DQX1: variants seen among roughly 807,000 people sequenced by gnomAD.
DQX1 encodes ATP-dependent RNA helicase homolog DQX1.
In DQX1, 66 loss-of-function variants were observed where a neutral mutation model predicts 81.3. The observed-to-expected ratio is 0.81, with a 90% CI of 0.67 to 1.00. The LOEUF is 1.00. Among genes scored for constraint, DQX1 ranks in the 50% least tolerant of loss-of-function variants. The pLI is 0.00. For synonymous variants in DQX1, 290 were observed against 350.0 expected (o/e 0.83, Z 1.91); for missense variants, 798 against 867.9 (o/e 0.92, Z 1.01).
At position 74,523,300 on chromosome 2, in the gene DQX1, T is replaced by TCTCA; in HGVS notation, c.1044+6_1044+9dup. The TCTCA allele has an allele frequency of 6.2e-7, 1 of 1,614,116 alleles. No homozygotes were observed. ...TTACTACCCCACCGCTATCTCTCTC[T>TCTCA]CTCACTCACACTTCGGAGCTCCAGT... On this transcript the variant is annotated intron_variant, in intron 5 of 11. Transcript: ENST00000404568.
Position 74,519,204 on chromosome 2 carries a change from T to G in DQX1, c.1833A>C (p.Gly611=). The change falls in exon 11 of 12, where the codon GGA becomes GGC. Residue 611 remains glycine (G), a synonymous_variant. Coordinates refer to ENST00000404568, the MANE Select transcript of DQX1 (RefSeq NM_133637.3). Reference sequence around the variant, plus strand: ...GCTTATGGGTTAGGAGAAGGTAATTTCCAGTCCCGTCTGTGTCTCTGGCCA... The same window carrying G: ...GCTTATGGGTTAGGAGAAGGTAATTGCCAGTCCCGTCTGTGTCTCTGGCCA... ...LKVARDTDGT[G]NYLLLTHKHV... is the part of the protein sequence containing the mutation. 6.3e-7 allele frequency: 1 copy of G among 1,579,966 alleles called. No homozygotes were observed. The highest frequency in any genetic ancestry group is 8.6e-7 in the Non-Finnish European group (1 of 1,162,742).
chr2:74,524,921 G>T, intron 3 of DQX1, 88 bp downstream of exon 3: 1 of 1,439,246 alleles, frequency 6.9e-7, no homozygotes, highest in South Asian at 1.3e-5. Context: ...TTGGGCTAAG[G>T]GAGGGTATGG....
rs781273773 is a variant in DQX1, at chr2:74,519,588, G to T, written c.1774C>A (p.Gln592Lys). Residue 592 changes from glutamine (Q) to lysine (K), a missense_variant, in exon 10 of 12, where the codon CAG (glutamine) becomes AAG (lysine). Coordinates refer to ENST00000404568, the MANE Select transcript of DQX1 (RefSeq NM_133637.3). ...FGSEQNRRDLQKALVSGYFLK... is the reference protein window; with the variant it reads ...FGSEQNRRDLKKALVSGYFLK... ...AAGTATCCTGACACCAGTGCTTTCT[G>T]AAGGTCTCTGCGATTCTGCTCAGAG... 3.1e-6 allele frequency: 5 copies of T among 1,614,098 alleles called. No homozygotes were observed. Among genetic ancestry groups the T allele is most frequent in the Non-Finnish European group, 4.2e-6 (5 of 1,180,052 alleles).
rs1490041043 is a variant in DQX1, at chr2:74,523,021, G to A, written c.1145-7C>T. On this transcript the variant is annotated splice_region_variant and splice_polypyrimidine_tract_variant and intron_variant, in intron 6 of 11. Coordinates refer to ENST00000404568, the MANE Select transcript of DQX1 (RefSeq NM_133637.3). Reference sequence around the variant, plus strand: ...TACAGGCAGAGGCAGGATCCTGAGGGGAAAAAGACCTGGGAAAGAAGACCA... The same window carrying A: ...TACAGGCAGAGGCAGGATCCTGAGGAGAAAAAGACCTGGGAAAGAAGACCA... 6.2e-7 allele frequency: 1 copy of A among 1,613,944 alleles called. No homozygotes were observed. Among genetic ancestry groups the A allele is most frequent in the East Asian group, 2.2e-5 (1 of 44,878 alleles).
chr2:74,524,489 C>G (rs917781341), intron 3 of DQX1, among the ~76,000 whole-genome samples, 182 bp from the exon 4 acceptor site: 2 of 152,218 alleles, frequency 1.3e-5, no homozygotes, highest in Non-Finnish European at 2.9e-5. Context: ...ACACTTTGTT[C>G]ACAAGGTATA....
intron 4 of DQX1, 86 bp from the exon 5 acceptor site, chr2:74,523,623 G>T: frequency 1.5e-6 from 2 of 1,295,954 alleles, no homozygotes; most frequent in Non-Finnish European, 2.2e-6. Context: ...TGAAAGTTAT[G>T]GCCCTTCACT....
chr2:74,520,939 C>T (rs1168866790), intron 8 of DQX1, among the ~76,000 whole-genome samples: 1 of 152,096 alleles, frequency 6.6e-6, no homozygotes, highest in Non-Finnish European at 1.5e-5. Context: ...TCCCAAAGTG[C>T]TGAGATTACA....
intron 8 of DQX1, 30 bp downstream of exon 8, chr2:74,522,550 G>A (rs201087216): frequency 2.0e-4 from 319 of 1,593,734 alleles, no homozygotes; most frequent in Non-Finnish European, 2.6e-4. Context: ...GTGGTTTCAA[G>A]AGCTATGGAT....
chr2:74,519,989 G>A lies in DQX1; in HGVS notation c.1541C>T (p.Ala514Val). The change falls in exon 9 of 12, where the codon GCC (alanine) becomes GTC (valine). Residue 514 changes from alanine to valine, a missense_variant. Coordinates refer to ENST00000404568, the MANE Select transcript of DQX1 (RefSeq NM_133637.3). ...TRPPLSAEEA[A>V]LRRALEHTDG... The stretch of plus-strand genomic sequence containing the variant: ...CGTGTGTTCCAGGGCCCGACGCAGG[G>A]CAGCTTCTTCTGCACTGAGTGGAGG... 1.9e-6 allele frequency: 3 copies of A among 1,614,224 alleles called. No individual in the cohort carries two copies. The highest frequency in any genetic ancestry group is 2.5e-6 in the Non-Finnish European group (3 of 1,180,036).
intron 5 of DQX1, 23 bp from the exon 6 acceptor site, chr2:74,523,241 G>A (rs2104339908): frequency 6.2e-7 from 1 of 1,614,112 alleles, no homozygotes; most frequent in East Asian, 2.2e-5. Flanking sequence ...CCCCAACCAA[G>A]GCCAAGACAG....
rs1674939525 is a variant in DQX1, at chr2:74,518,270, T to C, written c.*176A>G. ...GGAAAGAGTCCTTCCCTATGTAGACTGTGGTTTACCCCATTCTTTCCATTC... is the reference window on the plus strand; with the variant it reads ...GGAAAGAGTCCTTCCCTATGTAGACCGTGGTTTACCCCATTCTTTCCATTC... On this transcript the variant is annotated 3_prime_UTR_variant, in exon 12 of 12. Transcript: ENST00000404568. The C allele has an allele frequency of 3.0e-6, 2 of 660,898 alleles. No homozygotes were observed. Among genetic ancestry groups the C allele is most frequent in the Admixed American group, 3.0e-5 (1 of 32,994 alleles). 40.9% of individuals were successfully genotyped at this position (660,898 alleles called of 1,614,324 possible). A position where few individuals can be genotyped will look rare whatever the true frequency, so the allele number is the denominator to read the frequency against.
intron 3 of DQX1, 32 bp from the exon 4 acceptor site, chr2:74,524,339 G>C (rs1320889820): frequency 1.3e-5 from 21 of 1,583,588 alleles, no homozygotes; most frequent in Non-Finnish European, 1.7e-5. Flanking sequence ...AGAGGAATCA[G>C]TGTGGACACT....
chr2:74,522,467 T>A, intron 8 of DQX1, 113 bp downstream of exon 8: 1 of 1,302,166 alleles, frequency 7.7e-7, no homozygotes, highest in Non-Finnish European at 1.1e-6. Flanking sequence ...TTAGGCATTG[T>A]GAGGGGTGGC....
Position 74,519,656 on chromosome 2 carries a change from A to G in DQX1, c.1706T>C (p.Leu569Pro). 12 of 1,614,200 alleles carry G rather than the reference A, an allele frequency of 7.4e-6. No homozygotes were observed. Among genetic ancestry groups the G allele is most frequent in the Non-Finnish European group, 1.0e-5 (12 of 1,180,032 alleles). The change falls in exon 10 of 12, where the codon CTC (leucine) becomes CCC (proline). Residue 569 changes from leucine (L) to proline (P), a missense_variant. By Grantham distance (98) the Leu-to-Pro change is moderately conservative. Coordinates refer to ENST00000404568, the MANE Select transcript of DQX1 (RefSeq NM_133637.3). The part of the protein sequence containing the change: ...AHKLRGELLE[L>P]MQRIELPLSL... ...CAAGGGAAGTTCAATTCGTTGCATG[A>G]GTTCTAGGAGTTCTCCCCGAAGTTT...
chr2:74,524,372 A>T, intron 3 of DQX1, 65 bp from the exon 4 acceptor site: 2 of 1,540,456 alleles, frequency 1.3e-6, no homozygotes, highest in Non-Finnish European at 1.7e-6. Flanking sequence ...AAGCTCAGGG[A>T]ATCTTCTCCC....
chr2:74,520,418 C>T lies in DQX1; in HGVS notation c.1496-384G>A, dbSNP rs765351516. 7.9e-5 allele frequency among the ~76,000 whole-genome samples: 12 copies of T among 152,166 alleles called. No homozygotes were observed. The East Asian group carries it at 1.5e-3, about 20-fold the overall frequency. On this transcript the variant is annotated intron_variant, in intron 8 of 11. Transcript: ENST00000404568. ...ATTTGAAATTTGAGTAGGAATTAGC[C>T]GAGTGGAGACGGGGCAGGGAGTATG...
intron 4 of DQX1, 90 bp downstream of exon 4, chr2:74,523,833 C>G: frequency 6.9e-7 from 1 of 1,442,454 alleles, no homozygotes; most frequent in Non-Finnish European, 9.1e-7. Context: ...GCTCCCATTC[C>G]CATTCCTCAG....
In DQX1 at chr2:74,525,060, A is replaced by G; in HGVS notation, c.380T>C (p.Val127Ala). The change falls in exon 3 of 12, where the codon GTT (valine) becomes GCT (alanine). Residue 127 changes from valine (V) to alanine (A), a missense_variant. Physicochemically the swap from Val to Ala is moderately conservative, Grantham distance 64. Coordinates refer to ENST00000404568, the MANE Select transcript of DQX1 (RefSeq NM_133637.3). The surrounding 1 kb of genome is among the most constrained non-coding windows in gnomAD (Gnocchi z 4.1). ...DEMDLTLGHE[V>A]GYSIPQEDCT... ...GTCCTCCTGGGGGATGCTGTATCCA[A>G]CCTCATGACCCAGGGTCAGGTCCAT... 1.2e-6 allele frequency: 2 copies of G among 1,614,126 alleles called. No homozygotes were observed. Among genetic ancestry groups the G allele is most frequent in the South Asian group, 1.1e-5 (1 of 91,084 alleles).
chr2:74,518,672 G>A, intron 11 of DQX1, 70 bp from the exon 12 acceptor site: 2 of 1,473,310 alleles, frequency 1.4e-6, no homozygotes, highest in African/African-American at 1.4e-5. Flanking sequence ...TTAGAGACAG[G>A]GTCTCGCTCT....
Sources: gnomAD v4.1 joint callset for allele counts (sites outside exome capture counted in the v4.1 genomes callset) on GRCh38, gnomAD v4.1.1 for gene constraint, Gnocchi (gnomAD v3.1) non-coding constraint, MANE v1.5 for transcripts, NCBI Gene and HGNC (gene_info 2026-07-23, HGNC 2026-07-21) for gene names.